ADGRD1: variants seen among roughly 807,000 people sequenced by gnomAD.
ADGRD1 encodes the protein G-protein coupled receptor 133.
Under a neutral mutation model 113.4 loss-of-function variants are expected in ADGRD1, and 77 were observed. The observed-to-expected ratio is 0.68, with a 90% CI of 0.57 to 0.82. The LOEUF is 0.82. ADGRD1 is among the 40% of genes least tolerant of loss of function. The pLI, the probability that ADGRD1 is intolerant of heterozygous loss-of-function variation, is 0.00. For synonymous variants in ADGRD1, 474 were observed against 475.0 expected, an observed-to-expected ratio of 1.00 and a Z score of 0.03; for missense variants, 1,036 against 1,139.1, an observed-to-expected ratio of 0.91 and a Z score of 1.30.
rs543116701 is a variant in ADGRD1, at chr12:131,075,061, C to T, written c.1474-1740C>T. On this transcript the variant is annotated intron_variant, in intron 13 of 24. Coordinates refer to ENST00000261654, the MANE Select transcript of ADGRD1 (RefSeq NM_198827.5). The surrounding 1 kb of genome is among the most constrained non-coding windows in gnomAD (Gnocchi z 5.3). ...GTGAGGGGGTGATGGGAAGAGGCGT[C>T]GCCTCACTCCTGAGAAGCCTTGCCA... is the stretch of plus-strand genomic sequence containing the variant. Among the ~76,000 whole-genome samples the T allele has an allele frequency of 7.2e-5, 11 of 152,284 alleles. No homozygotes were observed. The South Asian group carries it at 1.7e-3, about 23-fold the overall frequency.
At position 130,966,792 on chromosome 12, in the gene ADGRD1, C is replaced by CTT. The variant is rs397795712; in HGVS notation, c.187+255_187+256dup. ...ACTTCCCGTAATAGTTATTTCAAAG[C>CTT]TTTTTTTTTTGTAGAGATGGGGTCT... On this transcript the variant is annotated intron_variant, in intron 3 of 24. Coordinates refer to ENST00000261654, the MANE Select transcript of ADGRD1 (RefSeq NM_198827.5). The surrounding 1 kb of genome is among the most constrained non-coding windows in gnomAD (Gnocchi z 4.6). The CTT allele has an allele frequency of 0.048, 16,213 of 336,552 alleles. No homozygotes were observed. The highest frequency in any genetic ancestry group is 0.067 in the East Asian group (1,063 of 15,822). 20.8% of individuals were successfully genotyped at this position (336,552 alleles called of 1,614,324 possible).
chr12:131,070,930 G>C, intron 13 of ADGRD1: 1 of 519,050 alleles, frequency 1.9e-6, no homozygotes, highest in Non-Finnish European at 3.8e-6. Flanking sequence ...GAGTCCTGGG[G>C]TCAGAGTGGG....
intron 8 of ADGRD1, among the ~76,000 whole-genome samples, chr12:130,992,693 A>T (rs192898255): frequency 6.6e-6 from 1 of 152,214 alleles, no homozygotes; most frequent in Admixed American, 6.5e-5. Context: ...CAACTCCTAG[A>T]CTAAATAAAC....
chr12:131,114,777 C>G (rs1366892612), intron 18 of ADGRD1, among the ~76,000 whole-genome samples: 1 of 152,024 alleles, frequency 6.6e-6, no homozygotes, highest in African/African-American at 2.4e-5. Flanking sequence ...GTGTTGTTGA[C>G]TGCGAGACTT....
At position 131,016,593 on chromosome 12, in the gene ADGRD1, C is replaced by CCTGT. The variant is rs1878600040; in HGVS notation, c.1473+2254_1473+2257dup. ...CAGTGCTGCCCCGCGGCGTGTCAAG[C>CCTGT]CTGTAGTCAAGAGTCTGTAGCTGGG... On this transcript the variant is annotated intron_variant, in intron 13 of 24. Coordinates refer to ENST00000261654, the MANE Select transcript of ADGRD1 (RefSeq NM_198827.5). Among the ~76,000 whole-genome samples the CCTGT allele has an allele frequency of 2.6e-5, 4 of 152,236 alleles. No individual in the cohort carries two copies. In the South Asian group the frequency reaches 8.3e-4, roughly 32 times the overall value.
chr12:130,961,792 A>C (rs893014718), intron 2 of ADGRD1, among the ~76,000 whole-genome samples: 7 of 152,190 alleles, frequency 4.6e-5, no homozygotes, highest in Admixed American at 4.6e-4. Context: ...TTATTTTAAA[A>C]AATTGCTAAC....
At chr12:131,054,867 C>G (rs1053589135) in intron 13 of ADGRD1, among the ~76,000 whole-genome samples, 3 of 152,222 alleles carry the variant, frequency 2.0e-5, no homozygotes, top group African/African-American at 7.2e-5. Context: ...TCATGCACCC[C>G]TCCCCTTCAT....
intron 13 of ADGRD1, chr12:131,028,155 T>G (rs1246532133): frequency 6.6e-6 from 1 of 152,214 alleles, no homozygotes; most frequent in Non-Finnish European, 1.5e-5. Context: ...AGGTCCGCCA[T>G]TCTGGTGGCT....
intron 13 of ADGRD1, among the ~76,000 whole-genome samples, chr12:131,066,660 C>T (rs916028493): frequency 6.6e-6 from 1 of 152,334 alleles, no homozygotes; most frequent in Middle Eastern, 3.4e-3. Flanking sequence ...GGCAGACAGA[C>T]AGGCAGTGAC....
intron 13 of ADGRD1, among the ~76,000 whole-genome samples, chr12:131,030,406 T>G (rs116629784): frequency 0.048 from 7,317 of 151,512 alleles, 386 homozygotes; most frequent in African/African-American, 0.12. Context: ...GCAGTGGCTC[T>G]ATCTCCGAGA....
chr12:130,963,042 CT>C (rs1253518814), intron 2 of ADGRD1: 1 of 152,198 alleles, frequency 6.6e-6, no homozygotes, highest in Non-Finnish European at 1.5e-5. Flanking sequence ...AAATAGAGGC[CT>C]GGCGCGGTGG....
At chr12:130,983,911 C>T (rs1256465781) in intron 5 of ADGRD1, among the ~76,000 whole-genome samples, 1 of 152,184 alleles carries the variant, frequency 6.6e-6, no homozygotes, top group Non-Finnish European at 1.5e-5. Flanking sequence ...GTGGGGGAAT[C>T]AACAGTCAAA....
chr12:131,079,842 C>T (rs1443593109), intron 14 of ADGRD1, among the ~76,000 whole-genome samples: 7 of 152,148 alleles, frequency 4.6e-5, no homozygotes, highest in Admixed American at 4.6e-4. Context: ...ACTTTTTTAT[C>T]TATAATCTGT....
chr12:130,972,663 G>C (rs767326303), intron 4 of ADGRD1, among the ~76,000 whole-genome samples: 5 of 152,020 alleles, frequency 3.3e-5, no homozygotes, highest in Admixed American at 1.3e-4. Flanking sequence ...CGGTGGCAGG[G>C]GCGAGGAGGA....
At chr12:131,018,011 C>A (rs1005627520) in intron 13 of ADGRD1, among the ~76,000 whole-genome samples, 4 of 152,336 alleles carry the variant, frequency 2.6e-5, no homozygotes, top group African/African-American at 9.6e-5. Flanking sequence ...AGCCTCAGTA[C>A]ACCACACACA....
chr12:131,115,009 C>G (rs1217873350), intron 18 of ADGRD1, among the ~76,000 whole-genome samples: 2 of 152,200 alleles, frequency 1.3e-5, no homozygotes, highest in Non-Finnish European at 2.9e-5. Context: ...AGGGACAAAA[C>G]TTAATCTTAG....
At chr12:131,059,473 GC>G (rs1884143241) in intron 13 of ADGRD1, among the ~76,000 whole-genome samples, 1 of 152,116 alleles carries the variant, frequency 6.6e-6, no homozygotes, top group Non-Finnish European at 1.5e-5. Flanking sequence ...TAGCCACCAC[GC>G]CCAGCCCATC....
intron 13 of ADGRD1, among the ~76,000 whole-genome samples, chr12:131,045,756 G>T (rs938621864): frequency 6.6e-6 from 1 of 152,124 alleles, no homozygotes; most frequent in African/African-American, 2.4e-5. Flanking sequence ...GGGGGACAAA[G>T]CACCACAGCT....
intron 13 of ADGRD1, among the ~76,000 whole-genome samples, chr12:131,031,200 C>T (rs1056293152): frequency 2.0e-5 from 3 of 152,238 alleles, no homozygotes; most frequent in Non-Finnish European, 4.4e-5. Context: ...GCCTCCCACC[C>T]TCCCTTCCTG....
Sources: gnomAD v4.1 joint callset for allele counts (sites outside exome capture counted in the v4.1 genomes callset) on GRCh38, gnomAD v4.1.1 for gene constraint, Gnocchi (gnomAD v3.1) non-coding constraint, MANE v1.5 for transcripts, NCBI Gene and HGNC (gene_info 2026-07-23, HGNC 2026-07-21) for gene names.